Variants in DEPDC1B observed in about 807,000 individuals in gnomAD.
The protein encoded by DEPDC1B is DEP domain-containing protein 1B.
Under a neutral mutation model 66.5 loss-of-function variants are expected in DEPDC1B, and 51 were observed. The ratio of observed to expected loss-of-function variants is 0.77; its 90% CI spans 0.61 to 0.97. DEPDC1B has a LOEUF of 0.97. DEPDC1B is among the 50% of genes least tolerant of loss of function. The pLI is 0.00. For missense variants in DEPDC1B, 552 were observed against 637.1 expected (o/e 0.87, Z 1.44); for synonymous variants, 226 against 223.6 (o/e 1.01, Z -0.10).
At chr5:60,649,647 C>G (rs932217858) in intron 2 of DEPDC1B, among the ~76,000 whole-genome samples, 2 of 152,102 alleles carry the variant, frequency 1.3e-5, no homozygotes, top group African/African-American at 4.8e-5. Context: ...AAGAGGAAAG[C>G]AACTAATTTA....
rs200675292 is a variant in DEPDC1B, at chr5:60,644,830, G to A, written c.624C>T (p.Asp208=). 42 of 1,610,646 alleles carry A rather than the reference G, an allele frequency of 2.6e-5. No individual in the cohort carries two copies. The highest frequency in any genetic ancestry group is 6.7e-5 in the Admixed American group (4 of 59,772). The change falls in exon 5 of 11, where the codon GAC becomes GAT. Residue 208 remains aspartate (D), a synonymous_variant. Transcript: ENST00000265036. ...TGAACTTCGAATTGACAAGTTTGAC[G>A]TCTAAAACTTCTTCTAAGGAATCCA... ...LGLDSLEEVL[D]VKLVNSKFII...
chr5:60,602,783 G>A (rs1269942008), intron 9 of DEPDC1B, among the ~76,000 whole-genome samples: 1 of 152,106 alleles, frequency 6.6e-6, no homozygotes, highest in Admixed American at 6.6e-5. Flanking sequence ...TAACGCCTGA[G>A]GAAAGAAAGT....
chr5:60,631,650 G>A (rs1752927542), intron 7 of DEPDC1B, among the ~76,000 whole-genome samples: 1 of 152,188 alleles, frequency 6.6e-6, no homozygotes, highest in Admixed American at 6.5e-5. Flanking sequence ...TGCATCATAT[G>A]GGTCCTATTA....
chr5:60,610,183 C>T (rs1025776884), intron 7 of DEPDC1B, among the ~76,000 whole-genome samples: 5 of 152,180 alleles, frequency 3.3e-5, no homozygotes, highest in African/African-American at 1.2e-4. Flanking sequence ...AAGAATGACC[C>T]ATCTCTTATT....
chr5:60,682,178 T>G (rs1464220815), intron 2 of DEPDC1B, among the ~76,000 whole-genome samples: 1 of 152,174 alleles, frequency 6.6e-6, no homozygotes. Context: ...TGGAATACTA[T>G]GCAGCCATAA....
intron 7 of DEPDC1B, among the ~76,000 whole-genome samples, chr5:60,617,281 G>A (rs112985050): frequency 2.1e-4 from 32 of 152,132 alleles, no homozygotes; most frequent in African/African-American, 4.3e-4. Flanking sequence ...AAATTCACAC[G>A]TAACAATATT....
At chr5:60,640,562 A>C (rs966851464) in intron 6 of DEPDC1B, among the ~76,000 whole-genome samples, 2 of 152,054 alleles carry the variant, frequency 1.3e-5, no homozygotes, top group Admixed American at 6.6e-5. Flanking sequence ...TTTTGTGTCT[A>C]TTTTTTATTG....
rs1344145347 is a variant in DEPDC1B, at chr5:60,653,372, T to C, written c.315-5839A>G. ...GTTAGTAATGTTGACCATTTTTTCA[T>C]GTGTTTGTGGGCCATTCGCATATCT... On this transcript the variant is annotated intron_variant, in intron 2 of 10. Coordinates refer to ENST00000265036, the MANE Select transcript of DEPDC1B (RefSeq NM_018369.3). Among the ~76,000 whole-genome samples the C allele has an allele frequency of 2.0e-5, 3 of 151,548 alleles. No homozygotes were observed. In the East Asian group the frequency reaches 5.8e-4, roughly 29 times the overall value.
chr5:60,699,695 G>C (rs1044027042), intron 1 of DEPDC1B, among the ~76,000 whole-genome samples: 1 of 152,182 alleles, frequency 6.6e-6, no homozygotes, highest in African/African-American at 2.4e-5. Flanking sequence ...TACGGGGTAC[G>C]TGGTGGCCCC....
At chr5:60,602,752 TAAAG>T (rs997424241) in intron 9 of DEPDC1B, among the ~76,000 whole-genome samples, 3 of 152,156 alleles carry the variant, frequency 2.0e-5, no homozygotes, top group Admixed American at 6.5e-5. Flanking sequence ...CACAACTTTA[TAAAG>T]AAAGAATAGC....
At chr5:60,643,373 G>T (rs923316254) in intron 5 of DEPDC1B, among the ~76,000 whole-genome samples, 4 of 152,158 alleles carry the variant, frequency 2.6e-5, no homozygotes, top group Non-Finnish European at 5.9e-5. Flanking sequence ...TAGGCTATTA[G>T]TATTAGGACA....
At chr5:60,684,034 T>C (rs1754356182) in intron 2 of DEPDC1B, among the ~76,000 whole-genome samples, 1 of 151,724 alleles carries the variant, frequency 6.6e-6, no homozygotes, top group African/African-American at 2.4e-5. Context: ...TAGGAATAAA[T>C]TTAACAAGGA....
In DEPDC1B at chr5:60,625,466, G is replaced by A. The variant is rs1752791310; in HGVS notation, c.898+13284C>T. 1.3e-5 allele frequency among the ~76,000 whole-genome samples: 2 copies of A among 152,150 alleles called. 1 individual carries two copies. The highest frequency in any genetic ancestry group is 4.1e-4 in the South Asian group (2 of 4,834). On this transcript the variant is annotated intron_variant, in intron 7 of 10. Coordinates refer to ENST00000265036, the MANE Select transcript of DEPDC1B (RefSeq NM_018369.3). The stretch of plus-strand genomic sequence containing the variant: ...TGGTGTGAGATTTTATTGGTTAGAA[G>A]CAAGTAACAGGTCCCACATATACTC...
In DEPDC1B at chr5:60,646,742, T is replaced by A. The variant is rs751153007; in HGVS notation, c.450+656A>T. Among the ~76,000 whole-genome samples, 74 of 152,316 alleles carry A rather than the reference T, an allele frequency of 4.9e-4. 2 individuals carry two copies. Among genetic ancestry groups the A allele is most frequent in the Admixed American group, 3.3e-3 (51 of 15,306 alleles). The stretch of plus-strand genomic sequence containing the variant: ...TAAGCGTTGGGCAAGTGAGTGAAGC[T>A]TCATCTGTATTTACAGCAGCTCCCT... On this transcript the variant is annotated intron_variant, in intron 3 of 10. Coordinates refer to ENST00000265036, the MANE Select transcript of DEPDC1B (RefSeq NM_018369.3).
intron 2 of DEPDC1B, among the ~76,000 whole-genome samples, chr5:60,651,529 TA>T (rs35534827): frequency 6.0e-5 from 8 of 132,388 alleles, no homozygotes; most frequent in Admixed American, 7.5e-5. Flanking sequence ...AGACTCCACC[TA>T]AAAAAAAAAC....
At chr5:60,613,828 G>GTGTGTGTGTA (rs3989094) in intron 7 of DEPDC1B, among the ~76,000 whole-genome samples, 3,563 of 144,388 alleles carry the variant, frequency 0.025, 85 homozygotes, top group African/African-American at 0.04. Flanking sequence ...GTGTGTGTGT[G>GTGTGTGTGTA]TATACATAAA....
chr5:60,672,799 C>T (rs1290415453), intron 2 of DEPDC1B, among the ~76,000 whole-genome samples: 1 of 152,180 alleles, frequency 6.6e-6, no homozygotes, highest in African/African-American at 2.4e-5. Context: ...GACCCCAGGC[C>T]TGCCTCATTC....
intron 1 of DEPDC1B, among the ~76,000 whole-genome samples, chr5:60,693,860 C>A (rs1754598382): frequency 6.6e-6 from 1 of 151,738 alleles, no homozygotes; most frequent in Admixed American, 6.6e-5. Flanking sequence ...GTATGTAGGG[C>A]CGGGGGAAGG....
At chr5:60,632,226 C>G (rs918190144) in intron 7 of DEPDC1B, among the ~76,000 whole-genome samples, 14 of 152,228 alleles carry the variant, frequency 9.2e-5, no homozygotes, top group African/African-American at 3.4e-4. Context: ...TCAGAGCACA[C>G]AGGGCCACGG....
Sources: allele counts gnomAD v4.1 joint callset (sites outside exome capture counted in the v4.1 genomes callset), GRCh38; gene constraint gnomAD v4.1.1; transcripts MANE v1.5; gene names NCBI Gene and HGNC (gene_info 2026-07-23, HGNC 2026-07-21).